DDHD1: variants seen among roughly 807,000 people sequenced by gnomAD.
DDHD1 encodes the protein phospholipase DDHD1.
In DDHD1, 49 loss-of-function variants were observed where a neutral mutation model predicts 96.4. The observed-to-expected ratio is 0.51, with a 90% CI of 0.40 to 0.64. The LOEUF (loss-of-function observed/expected upper bound fraction) is 0.64, where lower values mean the gene tolerates loss of function less well. Ranked by LOEUF, DDHD1 falls within the 30% of genes least tolerant of loss-of-function variation. The pLI, the probability that DDHD1 is intolerant of heterozygous loss-of-function variation, is 0.00. For synonymous variants in DDHD1, 442 were observed against 446.5 expected, an observed-to-expected ratio of 0.99 and a Z score of 0.13; for missense variants, 1,106 against 1,161.2, an observed-to-expected ratio of 0.95 and a Z score of 0.69.
chr14:53,091,278 A>G (rs896000586), intron 4 of DDHD1, among the ~76,000 whole-genome samples: 1 of 152,226 alleles, frequency 6.6e-6, no homozygotes, highest in African/African-American at 2.4e-5. Context: ...CTGAATATAA[A>G]TAAACTAATG....
chr14:53,103,920 G>T, intron 1 of DDHD1, 64 bp from the exon 2 acceptor site: 3 of 1,433,656 alleles, frequency 2.1e-6, no homozygotes, highest in Non-Finnish European at 2.8e-6. Context: ...AAGAGACACA[G>T]TATCTACAAT....
chr14:53,153,110 G>A lies in DDHD1; in HGVS notation c.-12C>T, dbSNP rs747898265. On this transcript the variant is annotated 5_prime_UTR_variant, in exon 1 of 13. Transcript: ENST00000673822. ...CCCGGGTAATTCATGCTGTGGAGACGCCGCCGGCTGTCCGGCGGCGCGCGG... is the reference window on the plus strand; with the variant it reads ...CCCGGGTAATTCATGCTGTGGAGACACCGCCGGCTGTCCGGCGGCGCGCGG... 14 of 1,379,810 alleles carry A rather than the reference G, an allele frequency of 1.0e-5. No individual in the cohort carries two copies. The highest frequency in any genetic ancestry group is 1.3e-5 in the Non-Finnish European group (14 of 1,078,184). The allele number at this position is 1,379,810 out of a possible 1,614,324, so 85.5% of individuals were successfully genotyped here. A position where few individuals can be genotyped will look rare whatever the true frequency, so the allele number is the denominator to read the frequency against.
intron 4 of DDHD1, among the ~76,000 whole-genome samples, chr14:53,079,069 T>C (rs1595134729): frequency 6.6e-6 from 1 of 152,306 alleles, no homozygotes; most frequent in African/African-American, 2.4e-5. Context: ...TTAGTCATGG[T>C]ATATAACCAT....
intron 2 of DDHD1, chr14:53,095,995 TAAAC>T: frequency 3.3e-6 from 1 of 298,784 alleles, no homozygotes; most frequent in Non-Finnish European, 4.9e-6. Context: ...AAAGTAGCAG[TAAAC>T]AAACTAATAC....
At chr14:53,063,300 A>G (rs1237553425) in intron 6 of DDHD1, 95 bp from the exon 7 acceptor site, 1 of 1,375,376 alleles carries the variant, frequency 7.3e-7, no homozygotes, top group Non-Finnish European at 9.8e-7. Context: ...AAAAACATAC[A>G]TTACCGATCA....
At chr14:53,148,089 G>A (rs1891117241) in intron 1 of DDHD1, among the ~76,000 whole-genome samples, 1 of 152,168 alleles carries the variant, frequency 6.6e-6, no homozygotes, top group African/African-American at 2.4e-5. Context: ...ATCTGAAACT[G>A]AAAATGGTTT....
At chr14:53,150,113 A>T (rs1891243602) in intron 1 of DDHD1, 1 of 152,188 alleles carries the variant, frequency 6.6e-6, no homozygotes, top group East Asian at 1.9e-4. Context: ...TCAAAGCCCA[A>T]ACCCACCTCA....
At chr14:53,122,684 G>C (rs771564782) in intron 1 of DDHD1, among the ~76,000 whole-genome samples, 3 of 149,764 alleles carry the variant, frequency 2.0e-5, no homozygotes, top group Non-Finnish European at 4.4e-5. Context: ...TTAGCCTCCT[G>C]AGTAGCTGAG....
intron 12 of DDHD1, among the ~76,000 whole-genome samples, chr14:53,047,735 A>G (rs1882147383): frequency 6.6e-6 from 1 of 152,232 alleles, no homozygotes; most frequent in African/African-American, 2.4e-5. Flanking sequence ...CCTTGCGATT[A>G]CCTGTTAGAG....
intron 4 of DDHD1, among the ~76,000 whole-genome samples, chr14:53,087,506 C>T (rs971784519): frequency 6.6e-6 from 1 of 152,144 alleles, no homozygotes; most frequent in Non-Finnish European, 1.5e-5. Flanking sequence ...GATTAAGAAA[C>T]TCACTCAAAA....
intron 1 of DDHD1, 91 bp from the exon 2 acceptor site, chr14:53,103,947 G>A: frequency 8.4e-7 from 1 of 1,185,222 alleles, no homozygotes; most frequent in African/African-American, 1.6e-5. Context: ...TTTTGCTACT[G>A]CTGTCACAAA....
intron 4 of DDHD1, among the ~76,000 whole-genome samples, chr14:53,085,371 A>G (rs552847202): frequency 6.6e-5 from 10 of 152,312 alleles, no homozygotes; most frequent in Admixed American, 6.5e-4. Context: ...ACCTCCCAGT[A>G]GGGGCCAAAA....
intron 4 of DDHD1, among the ~76,000 whole-genome samples, chr14:53,076,566 G>T (rs934179171): frequency 6.6e-6 from 1 of 152,114 alleles, no homozygotes; most frequent in East Asian, 1.9e-4. Context: ...GCAGTGGCAG[G>T]GTTTGACAGG....
chr14:53,074,254 TAA>T (rs954949022), intron 4 of DDHD1, among the ~76,000 whole-genome samples: 3 of 151,776 alleles, frequency 2.0e-5, no homozygotes, highest in Non-Finnish European at 4.4e-5. Flanking sequence ...TTAAAAATAT[TAA>T]GATACTATAA....
intron 1 of DDHD1, among the ~76,000 whole-genome samples, chr14:53,105,605 CTGA>C (rs1453963164): frequency 6.6e-6 from 1 of 152,066 alleles, no homozygotes; most frequent in African/African-American, 2.4e-5. Flanking sequence ...ATGGAAACTC[CTGA>C]TTTCTTATTT....
At chr14:53,102,889 A>G (rs1887412909) in intron 2 of DDHD1, 4 of 798,600 alleles carry the variant, frequency 5.0e-6, no homozygotes, top group Non-Finnish European at 7.9e-6. Flanking sequence ...GAAAAAATCA[A>G]TTAATATTTT....
chr14:53,128,245 AATGGACTAATAT>A (rs1481822806), intron 1 of DDHD1, among the ~76,000 whole-genome samples: 1 of 152,228 alleles, frequency 6.6e-6, no homozygotes, highest in Non-Finnish European at 1.5e-5. Flanking sequence ...GCAGCATAAG[AATGGACTAATAT>A]ATGGAGACTA....
intron 6 of DDHD1, among the ~76,000 whole-genome samples, chr14:53,066,921 C>T (rs971363661): frequency 1.4e-5 from 2 of 146,112 alleles, no homozygotes; most frequent in Non-Finnish European, 3.0e-5. Flanking sequence ...GAGCTGAGAT[C>T]GTACCACTGC....
intron 6 of DDHD1, among the ~76,000 whole-genome samples, chr14:53,069,042 GATCT>G (rs1884295490): frequency 6.6e-6 from 1 of 152,090 alleles, no homozygotes; most frequent in Non-Finnish European, 1.5e-5. Context: ...TTTTTTCAAT[GATCT>G]ATAAATAATA....
Sources: gnomAD v4.1 joint callset for allele counts (sites outside exome capture counted in the v4.1 genomes callset) on GRCh38, gnomAD v4.1.1 for gene constraint, MANE v1.5 for transcripts, NCBI Gene and HGNC (gene_info 2026-07-23, HGNC 2026-07-21) for gene names.